STARD13: variants seen among roughly 807,000 people sequenced by gnomAD.
STARD13 encodes the protein StAR related lipid transfer domain containing 13, also known as stAR-related lipid transfer protein 13.
In STARD13, 62 loss-of-function variants were observed where a neutral mutation model predicts 106.4. The ratio of observed to expected loss-of-function variants is 0.58; its 90% CI spans 0.48 to 0.72. The LOEUF (loss-of-function observed/expected upper bound fraction) is 0.72, where lower values mean the gene tolerates loss of function less well. Among genes scored for constraint, STARD13 ranks in the 30% least tolerant of loss-of-function variants. STARD13 has a pLI of 0.00. For synonymous variants in STARD13, 565 were observed against 553.0 expected (o/e 1.02, Z -0.31); for missense variants, 1,387 against 1,424.0 (o/e 0.97, Z 0.42).
intron 1 of STARD13, among the ~76,000 whole-genome samples, chr13:33,312,802 T>G (rs549359457): frequency 6.6e-6 from 1 of 152,332 alleles, no homozygotes; most frequent in South Asian, 2.1e-4. Flanking sequence ...ACAAATTTTA[T>G]TTTAGAACAT....
rs556906354 is a variant in STARD13 at position 33,304,136 on chromosome 13, A to G, written c.124+46154T>C. 2.0e-5 allele frequency among the ~76,000 whole-genome samples: 3 copies of G among 152,368 alleles called. No homozygotes were observed. The South Asian group carries it at 6.2e-4, about 32-fold the overall frequency. On this transcript the variant is annotated intron_variant, in intron 1 of 5. Transcript: ENST00000567873. Reference sequence around the variant, plus strand: ...GTTGTGAAATCCACTCACTGCAGACACACCACAGGCCGAAGGCCCTTACTT... The same window carrying G: ...GTTGTGAAATCCACTCACTGCAGACGCACCACAGGCCGAAGGCCCTTACTT...
At chr13:33,579,799 C>T in the STARD13 span, among the ~76,000 whole-genome samples, 109 of 151,762 alleles carry the variant, frequency 7.2e-4, no homozygotes, top group African/African-American at 2.6e-3. Context: ...ATGTAGATGG[C>T]CAATAAATAC....
intron 3 of STARD13, among the ~76,000 whole-genome samples, chr13:33,157,146 T>G (rs1168622796): frequency 6.6e-6 from 1 of 151,970 alleles, no homozygotes; most frequent in African/African-American, 2.4e-5. Context: ...GTAGATACCA[T>G]TTTTGTCAAC....
chr13:33,626,480 A>G, the STARD13 span, among the ~76,000 whole-genome samples: 1 of 152,210 alleles, frequency 6.6e-6, no homozygotes, highest in Non-Finnish European at 1.5e-5. Context: ...CTTATTATCT[A>G]TCTCTCTAAT....
the STARD13 span, among the ~76,000 whole-genome samples, chr13:33,479,537 TTGAACAAAGAAATAAACGTTCC>T: frequency 2.0e-5 from 3 of 152,364 alleles, no homozygotes; most frequent in African/African-American, 4.8e-5. Context: ...GCTAAGGTGT[TTGAACAAAGAAATAAACGTTCC>T]TGAACAAAGA....
chr13:33,281,571 T>C (rs1402312205), intron 1 of STARD13: 1 of 152,024 alleles, frequency 6.6e-6, no homozygotes, highest in Non-Finnish European at 1.5e-5. Flanking sequence ...CTTACACCCA[T>C]TAAGATGGCT....
chr13:33,120,327 C>T (rs1185812916), intron 7 of STARD13, among the ~76,000 whole-genome samples: 1 of 152,208 alleles, frequency 6.6e-6, no homozygotes, highest in Non-Finnish European at 1.5e-5. Flanking sequence ...CACACACATC[C>T]CAGAGATGCT....
chr13:33,237,799 A>T (rs186054462), intron 1 of STARD13, among the ~76,000 whole-genome samples: 1 of 152,194 alleles, frequency 6.6e-6, no homozygotes, highest in Non-Finnish European at 1.5e-5. Flanking sequence ...AACTATACCA[A>T]TTGGGTTGAG....
the STARD13 span, among the ~76,000 whole-genome samples, chr13:33,426,993 T>C: frequency 6.6e-6 from 1 of 152,350 alleles, no homozygotes; most frequent in Non-Finnish European, 1.5e-5. Context: ...TCAGTAAATA[T>C]AACTTTTAGG....
intron 1 of STARD13, among the ~76,000 whole-genome samples, chr13:33,340,820 G>A (rs2077951634): frequency 1.3e-5 from 2 of 152,156 alleles, no homozygotes; most frequent in Admixed American, 1.3e-4. Context: ...TGCAATTTCT[G>A]GAAGCTTGCT....
the STARD13 span, among the ~76,000 whole-genome samples, chr13:33,437,675 T>G: frequency 6.6e-6 from 1 of 152,234 alleles, no homozygotes; most frequent in African/African-American, 2.4e-5. Context: ...AAACCCAAAC[T>G]TATGGACTGC....
intron 1 of STARD13, among the ~76,000 whole-genome samples, chr13:33,327,472 C>T (rs889260236): frequency 4.6e-5 from 7 of 152,278 alleles, no homozygotes; most frequent in South Asian, 2.1e-4. Flanking sequence ...TGGGGTCAAG[C>T]GATCCTTCTG....
chr13:33,299,961 C>T (rs917852930), intron 1 of STARD13, among the ~76,000 whole-genome samples: 11 of 152,196 alleles, frequency 7.2e-5, no homozygotes, highest in Non-Finnish European at 1.5e-4. Flanking sequence ...TTTTCTAGAA[C>T]ATGAGGCTTT....
the STARD13 span, among the ~76,000 whole-genome samples, chr13:33,628,148 AACACACACAC>A: frequency 6.3e-4 from 84 of 133,440 alleles, no homozygotes; most frequent in African/African-American, 1.5e-3. Flanking sequence ...TCTCTTGTAA[AACACACACAC>A]ACACACACAC....
chr13:33,479,665 T>TGTAATCCCCAGTGTTGGAG, the STARD13 span, among the ~76,000 whole-genome samples: 41 of 152,302 alleles, frequency 2.7e-4, no homozygotes, highest in African/African-American at 8.7e-4. Flanking sequence ...CATGATGAAT[T>TGTAATCCCCAGTGTTGGAG]GTAATCCCCA....
the STARD13 span, among the ~76,000 whole-genome samples, chr13:33,615,855 G>GAAAATAAAGTA: frequency 6.6e-6 from 1 of 152,056 alleles, no homozygotes; most frequent in Non-Finnish European, 1.5e-5. Context: ...TTACTCAAGG[G>GAAAATAAAGTA]CTCAAAGTAC....
At chr13:33,233,809 C>G (rs1889048260) in intron 1 of STARD13, among the ~76,000 whole-genome samples, 1 of 152,222 alleles carries the variant, frequency 6.6e-6, no homozygotes, top group Non-Finnish European at 1.5e-5. Flanking sequence ...GCTGCATTCC[C>G]CTCAAGGTGA....
chr13:33,240,686 C>G (rs1318106255), intron 1 of STARD13, among the ~76,000 whole-genome samples: 2 of 151,418 alleles, frequency 1.3e-5, no homozygotes, highest in Non-Finnish European at 2.9e-5. Flanking sequence ...TTAAGTTTAT[C>G]CTTAAGTATT....
At chr13:33,363,830 A>T in the STARD13 span, among the ~76,000 whole-genome samples, 1 of 152,204 alleles carries the variant, frequency 6.6e-6, no homozygotes, top group African/African-American at 2.4e-5. Context: ...AATGCTCAAT[A>T]TATATTTACT....
Sources: allele counts gnomAD v4.1 joint callset (sites outside exome capture counted in the v4.1 genomes callset), GRCh38; gene constraint gnomAD v4.1.1; transcripts MANE v1.5; gene names NCBI Gene and HGNC (gene_info 2026-07-23, HGNC 2026-07-21).